Variants in COPZ1 observed in about 807,000 individuals in gnomAD.
COPZ1 encodes the protein coatomer subunit zeta-1.
COPZ1 carries 4 observed loss-of-function variants against 31.7 expected under a neutral mutation model. The observed-to-expected ratio is 0.13, with a 90% CI of 0.06 to 0.29. COPZ1 has a LOEUF of 0.29. Ranked by LOEUF, COPZ1 falls within the 10% of genes least tolerant of loss-of-function variation. The pLI is 1.00. For synonymous variants in COPZ1, 74 were observed against 79.0 expected (o/e 0.94, Z 0.33); for missense variants, 156 against 211.5 (o/e 0.74, Z 1.63).
intron 1 of COPZ1, 85 bp downstream of exon 1, chr12:54,325,266 G>A (rs1383223338): frequency 6.7e-7 from 1 of 1,490,224 alleles, no homozygotes; most frequent in Non-Finnish European, 9.0e-7. Context: ...GACGGGGAAA[G>A]AGAGTTCCGG....
intron 1 of COPZ1, among the ~76,000 whole-genome samples, chr12:54,326,294 C>T (rs1953640408): frequency 6.6e-6 from 1 of 150,952 alleles, no homozygotes; most frequent in South Asian, 2.1e-4. Context: ...CGCTCGCCAC[C>T]ACTCCCGGCT....
chr12:54,345,761 T>C (rs1187690286), intron 5 of COPZ1, among the ~76,000 whole-genome samples: 1 of 151,928 alleles, frequency 6.6e-6, no homozygotes, highest in African/African-American at 2.4e-5. Context: ...ATTGAGACCA[T>C]CCTGGTTAAC....
intron 1 of COPZ1, chr12:54,337,178 C>G (rs1393439944): frequency 7.5e-6 from 4 of 533,088 alleles, no homozygotes; most frequent in Non-Finnish European, 1.5e-5. Flanking sequence ...TCTAAGTCAC[C>G]CAATCTCCCA....
At chr12:54,340,455 C>T (rs770898070) in intron 1 of COPZ1, 92 bp from the exon 2 acceptor site, 1 of 1,574,290 alleles carries the variant, frequency 6.4e-7, no homozygotes, top group Non-Finnish European at 8.6e-7. Flanking sequence ...CTCTGTATCC[C>T]CTTGCAGCCC....
At chr12:54,340,299 G>A (rs1453223537) in intron 1 of COPZ1, 3 of 536,748 alleles carry the variant, frequency 5.6e-6, no homozygotes, top group African/African-American at 1.9e-5. Flanking sequence ...AGCCCCCTGT[G>A]AGTCAGAGAA....
chr12:54,350,674 A>C lies in COPZ1; in HGVS notation c.*151A>C. 1.5e-6 allele frequency: 1 copy of C among 675,742 alleles called. No individual in the cohort carries two copies. Among genetic ancestry groups the C allele is most frequent in the Non-Finnish European group, 2.7e-6 (1 of 368,142 alleles). 41.9% of individuals were successfully genotyped at this position (675,742 alleles called of 1,614,324 possible). A position where few individuals can be genotyped will look rare whatever the true frequency, so the allele number is the denominator to read the frequency against. Reference sequence around the variant, plus strand: ...CATTCTGTTTGTGGTTGCCCCCTCAACCTCCCCTACACCCTTCCTATTCTT... The same window carrying C: ...CATTCTGTTTGTGGTTGCCCCCTCACCCTCCCCTACACCCTTCCTATTCTT... On this transcript the variant is annotated 3_prime_UTR_variant, in exon 9 of 9. Transcript: ENST00000262061.
intron 3 of COPZ1, 185 bp downstream of exon 3, chr12:54,342,472 A>G (rs1403228459): frequency 2.6e-5 from 15 of 582,512 alleles, no homozygotes; most frequent in Non-Finnish European, 4.3e-5. Flanking sequence ...CGGGAATACC[A>G]TGCTGGAAGG....
At chr12:54,344,552 T>C (rs1954027709) in intron 4 of COPZ1, 1 of 152,318 alleles carries the variant, frequency 6.6e-6, no homozygotes. Flanking sequence ...CATTCCAGCC[T>C]GGGCAACAGA....
chr12:54,347,796 A>G lies in COPZ1; in HGVS notation c.347A>G (p.Glu116Gly). 1 of 1,612,354 alleles carries G rather than the reference A, an allele frequency of 6.2e-7. No homozygotes were observed. The highest frequency in any genetic ancestry group is 8.5e-7 in the Non-Finnish European group (1 of 1,179,610). ...AATGTAGAAAAGCGAGCACTGCTGG[A>G]GAACATGGAGGGGCTGTTCTTGGCT... The part of the protein sequence containing the change: ...RKNVEKRALL[E>G]NMEGLFLAVD... Residue 116 changes from glutamate (E) to glycine (G), a missense_variant, in exon 6 of 9, where the codon GAG becomes GGG. By Grantham distance (98) the Glu-to-Gly change is moderately conservative. Coordinates refer to ENST00000262061, the MANE Select transcript of COPZ1 (RefSeq NM_016057.3).
At chr12:54,331,725 TGTG>T (rs1373116269) in intron 1 of COPZ1, among the ~76,000 whole-genome samples, 1 of 151,806 alleles carries the variant, frequency 6.6e-6, no homozygotes, top group African/African-American at 2.4e-5. Flanking sequence ...AGCAGGGAGA[TGTG>T]GGGGGGAGTA....
chr12:54,333,730 C>G (rs560718684), intron 1 of COPZ1, among the ~76,000 whole-genome samples: 1 of 152,248 alleles, frequency 6.6e-6, no homozygotes, highest in African/African-American at 2.4e-5. Context: ...TATCAAAACT[C>G]TTGTTGACTG....
intron 1 of COPZ1, among the ~76,000 whole-genome samples, chr12:54,330,520 A>G (rs1464411905): frequency 6.6e-6 from 1 of 152,170 alleles, no homozygotes; most frequent in African/African-American, 2.4e-5. Context: ...CTGGCAAGGT[A>G]TAAATTATAT....
At chr12:54,349,534 C>T (rs762399478) in intron 7 of COPZ1, 86 bp from the exon 8 acceptor site, 72 of 1,055,640 alleles carry the variant, frequency 6.8e-5, no homozygotes, top group Non-Finnish European at 7.8e-5. Context: ...TTTAAAGGAT[C>T]ACTTTTTTCT....
intron 1 of COPZ1, among the ~76,000 whole-genome samples, chr12:54,331,997 G>A (rs1953763908): frequency 6.6e-6 from 1 of 152,150 alleles, no homozygotes; most frequent in Admixed American, 6.5e-5. Context: ...CATGATAGTT[G>A]AAGAATTAGG....
At chr12:54,336,229 G>C (rs1195363266) in intron 1 of COPZ1, among the ~76,000 whole-genome samples, 2 of 152,124 alleles carry the variant, frequency 1.3e-5, no homozygotes, top group Non-Finnish European at 1.5e-5. Flanking sequence ...ATCTCTACTA[G>C]TTTGTCCTAC....
chr12:54,339,030 C>T lies in COPZ1; in HGVS notation c.19-1517C>T, dbSNP rs1182689759. 3.3e-5 allele frequency among the ~76,000 whole-genome samples: 5 copies of T among 151,994 alleles called. No individual in the cohort carries two copies. In the East Asian group the frequency reaches 7.7e-4, roughly 23 times the overall value. ...CAAACACATACTTTTGTGTTTGGCT[C>T]CTGTGAGGACTGTGGGTTTCTTAAA... On this transcript the variant is annotated intron_variant, in intron 1 of 8. Coordinates refer to ENST00000262061, the MANE Select transcript of COPZ1 (RefSeq NM_016057.3).
At chr12:54,326,640 G>GT (rs1953649641) in intron 1 of COPZ1, among the ~76,000 whole-genome samples, 1 of 134,486 alleles carries the variant, frequency 7.4e-6, no homozygotes, top group Non-Finnish European at 1.6e-5. Flanking sequence ...GATTTGGAGG[G>GT]GTGTGTGTGT....
At chr12:54,342,328 A>T (rs777193624) in intron 3 of COPZ1, 41 bp downstream of exon 3, 3 of 1,450,880 alleles carry the variant, frequency 2.1e-6, no homozygotes, top group Non-Finnish European at 9.7e-7. Context: ...GCTGGGGGGA[A>T]CCATGGTGGA....
intron 1 of COPZ1, among the ~76,000 whole-genome samples, chr12:54,335,334 C>G (rs544641544): frequency 1.3e-5 from 2 of 151,958 alleles, no homozygotes; most frequent in East Asian, 3.9e-4. Flanking sequence ...AATCTTGTTA[C>G]AGTTTTTAAT....
Sources: allele counts gnomAD v4.1 joint callset (sites outside exome capture counted in the v4.1 genomes callset), GRCh38; gene constraint gnomAD v4.1.1; transcripts MANE v1.5; gene names NCBI Gene and HGNC (gene_info 2026-07-23, HGNC 2026-07-21).